The following TNS3 variants were observed in gnomAD, a reference collection of about 807,000 sequenced individuals.
The protein encoded by TNS3 is tensin 3.
In TNS3, 45 loss-of-function variants were observed where a neutral mutation model predicts 140.9. That is an observed-to-expected ratio of 0.32 (90% CI 0.25 to 0.41). TNS3 has a LOEUF of 0.41. Among genes scored for constraint, TNS3 ranks in the 10% least tolerant of loss-of-function variants. The pLI is 1.00. For missense variants in TNS3, 1,716 were observed against 1,906.7 expected (o/e 0.90, Z 1.86); for synonymous variants, 815 against 788.4 (o/e 1.03, Z -0.56).
intron 4 of TNS3, among the ~76,000 whole-genome samples, chr7:47,479,374 G>A (rs1328668326): frequency 1.3e-5 from 2 of 152,176 alleles, no homozygotes; most frequent in African/African-American, 4.8e-5. Context: ...CTGGGCCTCA[G>A]CCCCTGGCTC....
intron 27 of TNS3, among the ~76,000 whole-genome samples, chr7:47,286,101 T>C (rs1020589720): frequency 5.9e-5 from 9 of 152,104 alleles, no homozygotes; most frequent in Admixed American, 4.6e-4. Flanking sequence ...CATGCAGTTA[T>C]GAAAGAGAGA....
intron 4 of TNS3, among the ~76,000 whole-genome samples, chr7:47,464,227 C>T (rs915085706): frequency 2.0e-5 from 3 of 152,338 alleles, no homozygotes; most frequent in Admixed American, 2.0e-4. Context: ...TTTGGCAATG[C>T]CTTGCCTTGA....
intron 13 of TNS3, among the ~76,000 whole-genome samples, chr7:47,409,595 C>G (rs750939494): frequency 3.9e-4 from 59 of 152,256 alleles, no homozygotes; most frequent in South Asian, 2.1e-4. Context: ...TAGAACACTA[C>G]GCAAACAAGA....
In TNS3 at chr7:47,453,016, T is replaced by C. The variant is rs948595096; in HGVS notation, c.-75-10961A>G. 46 of 985,424 alleles carry C rather than the reference T, an allele frequency of 4.7e-5. No homozygotes were observed. The African/African-American group carries it at 7.0e-4, about 15-fold the overall frequency. The allele number at this position is 985,424 out of a possible 1,614,324, so 61.0% of individuals were successfully genotyped here. A position where few individuals can be genotyped will look rare whatever the true frequency, so the allele number is the denominator to read the frequency against. On this transcript the variant is annotated intron_variant, in intron 4 of 30. Coordinates refer to ENST00000311160, the MANE Select transcript of TNS3 (RefSeq NM_022748.12). ...TCCTCCTACGTTTCGCTCCTTCCCC[T>C]GCTTTAGTCAAGCACACCCCTCTTC...
chr7:47,381,312 C>T (rs187644999), intron 16 of TNS3, among the ~76,000 whole-genome samples: 2 of 152,330 alleles, frequency 1.3e-5, no homozygotes, highest in East Asian at 3.9e-4. Flanking sequence ...AAGAGTACAG[C>T]GTGAATGTTC....
intron 27 of TNS3, among the ~76,000 whole-genome samples, chr7:47,290,104 A>C (rs559329833): frequency 1.3e-5 from 2 of 152,358 alleles, no homozygotes; most frequent in South Asian, 4.1e-4. Flanking sequence ...GATCTTAGAC[A>C]AAAGAGCAAA....
chr7:47,331,149 T>C (rs776544580), intron 20 of TNS3, among the ~76,000 whole-genome samples: 9 of 152,148 alleles, frequency 5.9e-5, no homozygotes, highest in Non-Finnish European at 1.0e-4. Context: ...CTCTACTACA[T>C]GCAAGGCAGT....
intron 4 of TNS3, among the ~76,000 whole-genome samples, chr7:47,443,051 A>G (rs1159452512): frequency 6.6e-6 from 1 of 152,212 alleles, no homozygotes; most frequent in Non-Finnish European, 1.5e-5. Flanking sequence ...CACAGAGATC[A>G]TCGTCTCAGC....
At chr7:47,396,932 G>C in intron 15 of TNS3, 28 bp from the exon 16 acceptor site, 1 of 1,565,294 alleles carries the variant, frequency 6.4e-7, no homozygotes, top group Non-Finnish European at 8.8e-7. Context: ...AGCAACATTA[G>C]TCCCAGTGAA....
chr7:47,433,460 G>C (rs562782739), intron 8 of TNS3, among the ~76,000 whole-genome samples: 2 of 152,280 alleles, frequency 1.3e-5, no homozygotes, highest in South Asian at 2.1e-4. Flanking sequence ...CCAGAAAGCC[G>C]AAAGTTGCTT....
At chr7:47,402,943 T>C (rs1454258831) in intron 13 of TNS3, among the ~76,000 whole-genome samples, 2 of 152,164 alleles carry the variant, frequency 1.3e-5, no homozygotes, top group Non-Finnish European at 2.9e-5. Context: ...GGCGCCAACA[T>C]TTGCCCACAG....
At position 47,278,074 on chromosome 7, in the gene TNS3, T is replaced by A. The variant is rs1336462194; in HGVS notation, c.*2A>T. On this transcript the variant is annotated 3_prime_UTR_variant, in exon 31 of 31. Transcript: ENST00000311160. ...GGTGGGTCCAGGGAGGGAGGGGAGT[T>A]CTCAGACCTTCTTTGGGGAACCAAT... 2.5e-6 allele frequency: 4 copies of A among 1,613,962 alleles called. No homozygotes were observed. In the Admixed American group the frequency reaches 6.7e-5, roughly 27 times the overall value.
intron 28 of TNS3, among the ~76,000 whole-genome samples, chr7:47,282,663 C>A (rs1016228310): frequency 6.6e-6 from 1 of 152,330 alleles, no homozygotes; most frequent in East Asian, 1.9e-4. Context: ...GATTGAAATA[C>A]GAGAGCATCA....
chr7:47,284,683 A>G (rs1489835604), intron 27 of TNS3, among the ~76,000 whole-genome samples: 1 of 152,218 alleles, frequency 6.6e-6, no homozygotes, highest in Admixed American at 6.5e-5. Flanking sequence ...CTTCCTCCTG[A>G]GGAACAGAAC....
At chr7:47,567,213 A>C (rs1800448648) in intron 1 of TNS3, among the ~76,000 whole-genome samples, 1 of 152,164 alleles carries the variant, frequency 6.6e-6, no homozygotes, top group Non-Finnish European at 1.5e-5. Flanking sequence ...AAGAAATAAC[A>C]TTGTCCCTAT....
Position 47,277,769 on chromosome 7 carries a change from G to A in TNS3, c.*307C>T. 2.3e-6 allele frequency: 1 copy of A among 435,012 alleles called. No homozygotes were observed. Among genetic ancestry groups the A allele is most frequent in the South Asian group, 2.0e-5 (1 of 49,062 alleles). The allele number at this position is 435,012 out of a possible 1,614,324, so 26.9% of individuals were successfully genotyped here. ...GGACATGGGGACCACCTCGTGTTCTGTGCTGTTTCCTTGCATGTCCCTTTC... is the reference window on the plus strand; with the variant it reads ...GGACATGGGGACCACCTCGTGTTCTATGCTGTTTCCTTGCATGTCCCTTTC... On this transcript the variant is annotated 3_prime_UTR_variant, in exon 31 of 31. Coordinates refer to ENST00000311160, the MANE Select transcript of TNS3 (RefSeq NM_022748.12).
chr7:47,480,849 G>C (rs1408694979), intron 4 of TNS3, among the ~76,000 whole-genome samples: 1 of 152,216 alleles, frequency 6.6e-6, no homozygotes, highest in Non-Finnish European at 1.5e-5. Context: ...TCGCCCCGAA[G>C]GTAACTATTA....
At chr7:47,437,070 A>C (rs1488326346) in intron 7 of TNS3, among the ~76,000 whole-genome samples, 193 bp downstream of exon 7, 1 of 152,166 alleles carries the variant, frequency 6.6e-6, no homozygotes, top group Non-Finnish European at 1.5e-5. Flanking sequence ...TCTCTGTATT[A>C]TTTTCACAAC....
intron 13 of TNS3, among the ~76,000 whole-genome samples, chr7:47,402,109 T>G (rs988047834): frequency 6.6e-6 from 1 of 152,132 alleles, no homozygotes; most frequent in Non-Finnish European, 1.5e-5. Context: ...CCTAACCAGA[T>G]GAACATCCAC....
Sources: gnomAD v4.1 joint callset for allele counts (sites outside exome capture counted in the v4.1 genomes callset) on GRCh38, gnomAD v4.1.1 for gene constraint, MANE v1.5 for transcripts, NCBI Gene and HGNC (gene_info 2026-07-23, HGNC 2026-07-21) for gene names.